NBEAL1: variants seen among roughly 807,000 people sequenced by gnomAD.
NBEAL1 encodes neurobeachin like 1.
A neutral mutation model predicts 351.3 loss-of-function variants in NBEAL1; 273 were observed. The ratio of observed to expected loss-of-function variants is 0.78; its 90% CI spans 0.70 to 0.86. The LOEUF (loss-of-function observed/expected upper bound fraction) is 0.86. NBEAL1 is among the 40% of genes least tolerant of loss of function. The pLI, the probability that NBEAL1 is intolerant of heterozygous loss-of-function variation, is 0.00. For synonymous variants in NBEAL1, 1,050 were observed against 1,086.4 expected (o/e 0.97, Z 0.66); for missense variants, 2,961 against 3,201.3 (o/e 0.92, Z 1.81).
chr2:203,108,376 T>C (rs1269229454), intron 14 of NBEAL1, among the ~76,000 whole-genome samples, 188 bp downstream of exon 14: 1 of 144,500 alleles, frequency 6.9e-6, no homozygotes, highest in African/African-American at 2.5e-5. Flanking sequence ...TAGCTGTTTA[T>C]CTCAAATATT....
intron 33 of NBEAL1, among the ~76,000 whole-genome samples, chr2:203,147,715 T>G (rs1271551687): frequency 6.6e-6 from 1 of 152,088 alleles, no homozygotes; most frequent in Non-Finnish European, 1.5e-5. Flanking sequence ...ACATTTAAAT[T>G]TATTTCCCAT....
chr2:203,067,453 A>G (rs78907692), intron 6 of NBEAL1, among the ~76,000 whole-genome samples: 14,015 of 152,272 alleles, frequency 0.092, 763 homozygotes, highest in Non-Finnish European at 0.12. Context: ...GAGTCCAGCT[A>G]TGCTTATCCT....
At chr2:203,173,453 T>G (rs1424892607) in intron 41 of NBEAL1, among the ~76,000 whole-genome samples, 2 of 152,162 alleles carry the variant, frequency 1.3e-5, no homozygotes, top group Non-Finnish European at 2.9e-5. Flanking sequence ...AGGGATGACT[T>G]TTGAGTTTTG....
At chr2:203,045,140 CT>C (rs1338905785) in intron 3 of NBEAL1, among the ~76,000 whole-genome samples, 2 of 152,050 alleles carry the variant, frequency 1.3e-5, no homozygotes, top group African/African-American at 4.8e-5. Context: ...TTTTTGTCCT[CT>C]TTAGTCATTT....
chr2:203,021,968 T>C (rs2060779197), intron 2 of NBEAL1, among the ~76,000 whole-genome samples: 1 of 151,812 alleles, frequency 6.6e-6, no homozygotes, highest in Admixed American at 6.6e-5. Context: ...GGAGAATCAC[T>C]TGAATCCGGG....
chr2:203,124,987 A>G (rs1326555901), intron 19 of NBEAL1, among the ~76,000 whole-genome samples: 1 of 151,918 alleles, frequency 6.6e-6, no homozygotes, highest in Admixed American at 6.6e-5. Context: ...ATTTTTTTTC[A>G]TTGTTTATTC....
intron 7 of NBEAL1, among the ~76,000 whole-genome samples, chr2:203,070,118 G>A (rs978387985): frequency 6.6e-6 from 1 of 152,014 alleles, no homozygotes; most frequent in African/African-American, 2.4e-5. Context: ...TTTAAAAATA[G>A]ATGCCCTTTA....
At chr2:203,164,861 C>CTTT (rs36031308) in intron 36 of NBEAL1, among the ~76,000 whole-genome samples, 6 of 133,292 alleles carry the variant, frequency 4.5e-5, no homozygotes, top group Admixed American at 7.8e-5. Context: ...TCCCATTTCT[C>CTTT]TTTTTTTTTT....
At chr2:203,150,823 T>C (rs1369097311) in intron 34 of NBEAL1, among the ~76,000 whole-genome samples, 1 of 152,194 alleles carries the variant, frequency 6.6e-6, no homozygotes, top group Non-Finnish European at 1.5e-5. Flanking sequence ...AGAACTCCCA[T>C]TTAACAGTGA....
chr2:203,101,256 A>G (rs2062313248), intron 12 of NBEAL1, among the ~76,000 whole-genome samples: 2 of 152,226 alleles, frequency 1.3e-5, no homozygotes, highest in East Asian at 3.9e-4. Context: ...ATTGAAAAGG[A>G]GCCCTTTCCC....
chr2:203,021,917 G>A (rs568222365), intron 2 of NBEAL1, among the ~76,000 whole-genome samples: 2 of 152,100 alleles, frequency 1.3e-5, no homozygotes, highest in East Asian at 1.9e-4. Flanking sequence ...CAGGCACGGT[G>A]GCGGGCACCT....
At chr2:203,025,140 C>T (rs1401276718) in intron 2 of NBEAL1, among the ~76,000 whole-genome samples, 3 of 152,166 alleles carry the variant, frequency 2.0e-5, no homozygotes, top group Non-Finnish European at 4.4e-5. Flanking sequence ...TTCTCAGATA[C>T]CTTAGAATCC....
At chr2:203,191,785 C>CA (rs1350874552) in intron 46 of NBEAL1, among the ~76,000 whole-genome samples, 1 of 152,184 alleles carries the variant, frequency 6.6e-6, no homozygotes, top group Non-Finnish European at 1.5e-5. Flanking sequence ...GCCTTTCTAG[C>CA]ATGCCATGTT....
chr2:203,105,251 A>G (rs1196314680), intron 12 of NBEAL1, among the ~76,000 whole-genome samples: 2 of 151,908 alleles, frequency 1.3e-5, no homozygotes, highest in East Asian at 2.0e-4. Flanking sequence ...TCATGAGTTC[A>G]GGAGATCGAG....
Position 203,035,796 on chromosome 2 carries a change from A to C in NBEAL1, c.52-5969A>C, listed in dbSNP as rs1458521826. On this transcript the variant is annotated intron_variant, in intron 2 of 55. Coordinates refer to ENST00000683969, the MANE Select transcript of NBEAL1 (RefSeq NM_001378026.1). ...CAGGTGGCAAAGGAGATCATGAAACATTTAGATATGTGTAGCATAGAACAT... is the reference window on the plus strand; with the variant it reads ...CAGGTGGCAAAGGAGATCATGAAACCTTTAGATATGTGTAGCATAGAACAT... Among the ~76,000 whole-genome samples the C allele has an allele frequency of 1.3e-5, 2 of 149,356 alleles. 1 individual carries two copies. Among genetic ancestry groups the C allele is most frequent in the Non-Finnish European group, 3.0e-5 (2 of 66,572 alleles).
chr2:203,047,082 T>C (rs773667661), intron 3 of NBEAL1, among the ~76,000 whole-genome samples: 17 of 151,896 alleles, frequency 1.1e-4, no homozygotes, highest in Non-Finnish European at 1.8e-4. Flanking sequence ...CTACTAAAAA[T>C]ACAAAATTAG....
Position 203,127,800 on chromosome 2 carries a change from G to T in NBEAL1, c.3268G>T (p.Glu1090Ter). 1 of 1,511,982 alleles carries T rather than the reference G, an allele frequency of 6.6e-7. No homozygotes were observed. The highest frequency in any genetic ancestry group is 9.0e-7 in the Non-Finnish European group (1 of 1,112,372). The allele number at this position is 1,511,982 out of a possible 1,614,324, so 93.7% of individuals were successfully genotyped here. ...IYYGNGCKYNELSLDDIRTIR... is the reference protein window; with the variant it reads ...IYYGNGCKYN Reference sequence around the variant, plus strand: ...TTTCAGGAATGGTTGTAAATATAATGAACTATCTCTAGATGATATTCGAAC... The same window carrying T: ...TTTCAGGAATGGTTGTAAATATAATTAACTATCTCTAGATGATATTCGAAC... The change falls in exon 24 of 56, where the codon GAA becomes TAA. Residue 1090 changes from glutamate (E) to a stop codon, truncating the protein, a stop_gained. Transcript: ENST00000683969. LOFTEE classifies it high-confidence loss of function.
At chr2:203,115,925 A>G in intron 17 of NBEAL1, 60 bp from the exon 18 acceptor site, 5 of 1,139,176 alleles carry the variant, frequency 4.4e-6, no homozygotes, top group Non-Finnish European at 6.4e-6. Flanking sequence ...TTCTGATAAC[A>G]CAGAACCAAG....
At chr2:203,161,828 A>C (rs980030524) in intron 36 of NBEAL1, among the ~76,000 whole-genome samples, 15 of 151,800 alleles carry the variant, frequency 9.9e-5, no homozygotes, top group African/African-American at 3.6e-4. Flanking sequence ...GCCAGACCCT[A>C]TCTCTAAAAT....
Sources: allele counts gnomAD v4.1 joint callset (sites outside exome capture counted in the v4.1 genomes callset), GRCh38; gene constraint gnomAD v4.1.1; transcripts MANE v1.5; gene names NCBI Gene and HGNC (gene_info 2026-07-23, HGNC 2026-07-21).